The following MUC12 variants were observed in gnomAD, a reference collection of about 807,000 sequenced individuals.
The protein encoded by MUC12 is mucin-12.
A neutral mutation model predicts 230.8 loss-of-function variants in MUC12; 172 were observed. That is an observed-to-expected ratio of 0.75 (90% CI 0.66 to 0.85). The LOEUF (loss-of-function observed/expected upper bound fraction) is 0.85. MUC12 is among the 40% of genes least tolerant of loss of function. MUC12 has a pLI of 0.00. For synonymous variants in MUC12, 1,259 were observed against 2,401.9 expected (o/e 0.52, Z 13.91); for missense variants, 3,506 against 5,920.6 (o/e 0.59, Z 13.38).
At chr7:100,982,255 A>G (rs929647257) in intron 1 of MUC12, among the ~76,000 whole-genome samples, 1 of 151,852 alleles carries the variant, frequency 6.6e-6, no homozygotes, top group African/African-American at 2.4e-5. Context: ...GCTGGTTCAC[A>G]CCCATTTTCC....
At chr7:100,971,022 G>T (rs1792871087) in intron 1 of MUC12, among the ~76,000 whole-genome samples, 1 of 152,154 alleles carries the variant, frequency 6.6e-6, no homozygotes, top group South Asian at 2.1e-4. Context: ...TGGGCATGGT[G>T]GCACACGCCT....
intron 1 of MUC12, among the ~76,000 whole-genome samples, chr7:100,975,794 C>T (rs1212821266): frequency 6.6e-6 from 1 of 152,310 alleles, no homozygotes; most frequent in Non-Finnish European, 1.5e-5. Flanking sequence ...AAATTCAGAA[C>T]TGCATTGTCT....
intron 1 of MUC12, chr7:100,981,492 G>A (rs1793105307): frequency 4.0e-6 from 2 of 498,662 alleles, no homozygotes. Context: ...GAGCCAGAGA[G>A]AAGGAGCGTC....
Position 100,991,190 on chromosome 7 carries a change from T to C in MUC12, c.627T>C (p.Pro209=). The part of the protein sequence containing the change: ...IPGSTDTTLS[P]GTTTPSSLGP... ...GCTCCACAGACACAACACTGTCCCC[T>C]GGCACTACCACACCATCATCCCTTG... is the stretch of plus-strand genomic sequence containing the variant. The change falls in exon 2 of 12, where the codon CCT becomes CCC. Residue 209 remains proline, a synonymous_variant. Coordinates refer to ENST00000536621, the MANE Select transcript of MUC12 (RefSeq NM_001164462.2). 3 of 1,537,592 alleles carry C rather than the reference T, an allele frequency of 2.0e-6. No individual in the cohort carries two copies. Among genetic ancestry groups the C allele is most frequent in the Non-Finnish European group, 1.7e-6 (2 of 1,146,836 alleles).
At chr7:100,981,444 C>A in intron 1 of MUC12, 1 of 570,186 alleles carries the variant, frequency 1.8e-6, no homozygotes. Context: ...AGGGCTTTAG[C>A]CTGGGGCTCC....
chr7:101,009,211 C>T, intron 5 of MUC12, 52 bp downstream of exon 5: 1 of 1,493,664 alleles, frequency 6.7e-7, no homozygotes, highest in Non-Finnish European at 9.0e-7. Context: ...CTCCTTGTCC[C>T]TGCTTTCCTG....
rs1237237419 is a variant in MUC12 at position 101,004,898 on chromosome 7, A to G, written c.14335A>G (p.Thr4779Ala). The change falls in exon 2 of 12, where the codon ACA (threonine) becomes GCA (alanine). Residue 4779 changes from threonine (T) to alanine (A), a missense_variant. Physicochemically the swap from Thr to Ala is moderately conservative, Grantham distance 58. Transcript: ENST00000536621. The stretch of plus-strand genomic sequence containing the variant: ...TAGCCAAGCAGAGTCAACACACACA[A>G]CAGCGTTCCCTGCCAGCACCACCAC... The part of the protein sequence containing the change: ...LYSQAESTHT[T>A]AFPASTTTSG... The G allele has an allele frequency of 2.6e-6, 4 of 1,537,730 alleles. No homozygotes were observed. Among genetic ancestry groups the G allele is most frequent in the African/African-American group, 2.7e-5 (2 of 73,024 alleles).
chr7:100,991,028 CACG>C lies in MUC12; in HGVS notation c.468_470del (p.Thr157del), dbSNP rs1206150712. ...CAGACAGAACACTCTCACCTGCCCG[CACG>C]ACAAGCTCAGGCGTCAGTGAAAAAT... On this transcript the variant is annotated inframe_deletion, in exon 2 of 12. Coordinates refer to ENST00000536621, the MANE Select transcript of MUC12 (RefSeq NM_001164462.2). 4.6e-6 allele frequency: 7 copies of C among 1,537,784 alleles called. No homozygotes were observed. Among genetic ancestry groups the C allele is most frequent in the African/African-American group, 2.7e-5 (2 of 73,032 alleles).
chr7:101,005,522 A>G lies in MUC12; in HGVS notation c.14956+3A>G, dbSNP rs1271063734. 6.5e-7 allele frequency: 1 copy of G among 1,532,480 alleles called. No homozygotes were observed. The highest frequency in any genetic ancestry group is 8.7e-7 in the Non-Finnish European group (1 of 1,143,382). 94.9% of individuals were successfully genotyped at this position (1,532,480 alleles called of 1,614,324 possible). On this transcript the variant is annotated splice_donor_region_variant and intron_variant, in intron 2 of 11. Transcript: ENST00000536621. ...AAGCCTGGAAACCTTAGCACCAGGT[A>G]CTGCTCTTTCCATTTCATCCACGTT... is the stretch of plus-strand genomic sequence containing the variant.
Sources: allele counts gnomAD v4.1 joint callset (sites outside exome capture counted in the v4.1 genomes callset), GRCh38; gene constraint gnomAD v4.1.1; transcripts MANE v1.5; gene names NCBI Gene and HGNC (gene_info 2026-07-23, HGNC 2026-07-21).